The following AGBL1 variants were observed in gnomAD, a reference collection of about 807,000 sequenced individuals.
AGBL1 encodes the protein cytosolic carboxypeptidase 4.
In AGBL1, 130 loss-of-function variants were observed where a neutral mutation model predicts 118.9. That is an observed-to-expected ratio of 1.09 (90% CI 0.95 to 1.26). The LOEUF (loss-of-function observed/expected upper bound fraction) is 1.26. Ranked by LOEUF, AGBL1 falls within the 50% of genes most tolerant of loss-of-function variation. The pLI is 0.00. For synonymous variants in AGBL1, 555 were observed against 478.9 expected, an observed-to-expected ratio of 1.16 and a Z score of -2.08; for missense variants, 1,584 against 1,298.1, an observed-to-expected ratio of 1.22 and a Z score of -3.38.
At chr15:86,750,951 C>G (rs766623787) in intron 22 of AGBL1, among the ~76,000 whole-genome samples, 3 of 152,010 alleles carry the variant, frequency 2.0e-5, no homozygotes, top group Non-Finnish European at 4.4e-5. Flanking sequence ...CCATCCATGT[C>G]CCTGTAAAGG....
chr15:86,411,830 GC>G (rs1232280393), intron 18 of AGBL1, among the ~76,000 whole-genome samples: 2 of 152,130 alleles, frequency 1.3e-5, no homozygotes, highest in African/African-American at 4.8e-5. Context: ...TGAGAGTGGA[GC>G]TTAAAGAAGG....
intron 17 of AGBL1, among the ~76,000 whole-genome samples, chr15:86,375,328 G>T (rs1444900359): frequency 6.6e-6 from 1 of 152,114 alleles, no homozygotes; most frequent in Non-Finnish European, 1.5e-5. Flanking sequence ...AGAGAAGCAT[G>T]AAGGAGGAAT....
intron 17 of AGBL1, among the ~76,000 whole-genome samples, chr15:86,383,391 C>A (rs2081139970): frequency 6.6e-6 from 1 of 151,448 alleles, no homozygotes; most frequent in Non-Finnish European, 1.5e-5. Flanking sequence ...AGTTCAAGAC[C>A]AGCCTGACAA....
intron 1 of AGBL1, among the ~76,000 whole-genome samples, chr15:86,119,497 A>G (rs780524277): frequency 6.6e-6 from 1 of 152,158 alleles, no homozygotes; most frequent in Non-Finnish European, 1.5e-5. Context: ...ACCAGATTCA[A>G]TAGTCGTGAT....
chr15:86,162,184 G>C (rs369879029), intron 5 of AGBL1, among the ~76,000 whole-genome samples: 1 of 152,092 alleles, frequency 6.6e-6, no homozygotes, highest in South Asian at 2.1e-4. Context: ...GGGCTCAAGG[G>C]GGGTCTTGCA....
intron 22 of AGBL1, among the ~76,000 whole-genome samples, chr15:86,693,046 T>C (rs1165408685): frequency 1.3e-5 from 2 of 152,164 alleles, no homozygotes; most frequent in East Asian, 1.9e-4. Flanking sequence ...ATTTTTGCAA[T>C]TGAGAATTGT....
In AGBL1 at chr15:86,286,735, G is replaced by GTA. The variant is rs535707426; in HGVS notation, c.2220+6965_2220+6966dup. Among the ~76,000 whole-genome samples, 14 of 106,244 alleles carry GTA rather than the reference G, an allele frequency of 1.3e-4. 3 individuals carry two copies. Among genetic ancestry groups the GTA allele is most frequent in the Admixed American group, 1.8e-4 (2 of 10,976 alleles). 69.7% of individuals were successfully genotyped at this position (106,244 alleles called of 152,430 possible). ...TATATGTGTGTGTGTGTTTGTGTGTGTATATATATATATAAAACTCCATCA... is the reference window on the plus strand; with the variant it reads ...TATATGTGTGTGTGTGTTTGTGTGTGTATATATATATATATAAAACTCCATCA... On this transcript the variant is annotated intron_variant, in intron 16 of 22. Coordinates refer to ENST00000614907, the MANE Select transcript of AGBL1 (RefSeq NM_001386094.1).
intron 3 of AGBL1, among the ~76,000 whole-genome samples, chr15:86,153,689 A>C (rs1869601604): frequency 6.6e-6 from 1 of 152,202 alleles, no homozygotes; most frequent in African/African-American, 2.4e-5. Context: ...AGAGGGGATA[A>C]TTTTATTTTC....
At chr15:86,659,964 T>A (rs2085513998) in intron 21 of AGBL1, among the ~76,000 whole-genome samples, 1 of 152,054 alleles carries the variant, frequency 6.6e-6, no homozygotes, top group African/African-American at 2.4e-5. Context: ...ACTTCCCTGC[T>A]CATGGACTTT....
intron 22 of AGBL1, among the ~76,000 whole-genome samples, chr15:86,734,102 GTTTTC>G (rs371299663): frequency 2.2e-4 from 34 of 152,100 alleles, no homozygotes; most frequent in African/African-American, 8.0e-4. Context: ...GTTTGCATAT[GTTTTC>G]TTTTCAAATG....
intron 5 of AGBL1, among the ~76,000 whole-genome samples, chr15:86,219,583 C>T (rs1015607965): frequency 2.0e-5 from 3 of 151,914 alleles, no homozygotes; most frequent in Admixed American, 1.3e-4. Context: ...CAACTCAGTC[C>T]TGCCACTCAA....
intron 19 of AGBL1, among the ~76,000 whole-genome samples, chr15:86,526,733 G>A (rs547498515): frequency 1.3e-5 from 2 of 151,782 alleles, no homozygotes; most frequent in South Asian, 4.2e-4. Flanking sequence ...TGGAACTGGA[G>A]GCCATTATCC....
intron 17 of AGBL1, among the ~76,000 whole-genome samples, chr15:86,352,872 A>G (rs924336934): frequency 5.3e-5 from 8 of 152,178 alleles, no homozygotes; most frequent in Admixed American, 5.2e-4. Flanking sequence ...TCTATTTTCT[A>G]GAGACCTCAG....
At chr15:86,192,482 T>C (rs2077739131) in intron 5 of AGBL1, among the ~76,000 whole-genome samples, 1 of 151,928 alleles carries the variant, frequency 6.6e-6, no homozygotes, top group Non-Finnish European at 1.5e-5. Context: ...CTAAAAAAAA[T>C]GATAACCTGA....
In AGBL1 at chr15:86,546,068, G is replaced by A. The variant is rs750108622; in HGVS notation, c.2752G>A (p.Glu918Lys). 19 of 1,613,316 alleles carry A rather than the reference G, an allele frequency of 1.2e-5. No homozygotes were observed. Among genetic ancestry groups the A allele is most frequent in the Non-Finnish European group, 1.6e-5 (19 of 1,179,590 alleles). The change falls in exon 20 of 23, where the codon GAA becomes AAA. Residue 918 changes from glutamate (E) to lysine (K), a missense_variant. Glu to Lys is a moderately conservative substitution (Grantham distance 56). Coordinates refer to ENST00000614907, the MANE Select transcript of AGBL1 (RefSeq NM_001386094.1). ...GTTCCTTTATGGCTGTAGCATCAAG[G>A]AAACCTTGTGGCAAGCAGCATGCAC... ...NVFLYGCSIKETLWQAACTVG... is the reference protein window; with the variant it reads ...NVFLYGCSIKKTLWQAACTVG...
At chr15:86,150,723 C>G (rs566500470) in intron 3 of AGBL1, among the ~76,000 whole-genome samples, 2 of 152,194 alleles carry the variant, frequency 1.3e-5, no homozygotes, top group Non-Finnish European at 2.9e-5. Flanking sequence ...CGTTCTGAAA[C>G]TATTCCAATC....
intron 17 of AGBL1, among the ~76,000 whole-genome samples, chr15:86,310,293 T>A (rs1461565610): frequency 6.6e-6 from 1 of 152,238 alleles, no homozygotes; most frequent in Non-Finnish European, 1.5e-5. Flanking sequence ...TAAAATTTTA[T>A]TTAAACCTCC....
chr15:86,552,182 C>G (rs2083672402), intron 20 of AGBL1, among the ~76,000 whole-genome samples: 1 of 152,162 alleles, frequency 6.6e-6, no homozygotes, highest in Admixed American at 6.6e-5. Context: ...TTACAACAAA[C>G]CTACCACTCT....
intron 21 of AGBL1, among the ~76,000 whole-genome samples, chr15:86,600,719 C>G (rs1036163952): frequency 1.3e-5 from 2 of 152,136 alleles, no homozygotes; most frequent in African/African-American, 4.8e-5. Flanking sequence ...CCTGCTTTTC[C>G]TACCCTTACC....
Sources: allele counts gnomAD v4.1 joint callset (sites outside exome capture counted in the v4.1 genomes callset), GRCh38; gene constraint gnomAD v4.1.1; transcripts MANE v1.5; gene names NCBI Gene and HGNC (gene_info 2026-07-23, HGNC 2026-07-21).